Variants in GNAT2 observed in about 807,000 individuals in gnomAD.
The protein encoded by GNAT2 is G protein subunit alpha transducin 2, also known as guanine nucleotide-binding protein G(t) subunit alpha-2.
GNAT2 carries 32 observed loss-of-function variants against 40.9 expected under a neutral mutation model. The ratio of observed to expected loss-of-function variants is 0.78; its 90% confidence interval spans 0.59 to 1.05. GNAT2 has a LOEUF of 1.05. GNAT2 is among the 50% of genes least tolerant of loss of function. The pLI is 0.00. For missense variants in GNAT2, 355 were observed against 431.5 expected (o/e 0.82, Z 1.57); for synonymous variants, 141 against 157.2 (o/e 0.90, Z 0.77).
intron 1 of GNAT2, among the ~76,000 whole-genome samples, 136 bp downstream of exon 1, chr1:109,619,346 TA>T (rs1210585715): frequency 2.6e-5 from 4 of 152,234 alleles, no homozygotes; most frequent in Non-Finnish European, 4.4e-5. Flanking sequence ...AGAAGTTAGG[TA>T]ACTTGCCCAG....
At chr1:109,603,898 T>A in intron 8 of GNAT2, 53 bp downstream of exon 8, 1 of 1,312,028 alleles carries the variant, frequency 7.6e-7, no homozygotes. Context: ...AATGAGACAA[T>A]TGCCAGTCTC....
chr1:109,617,249 G>A (rs1232948410), intron 1 of GNAT2: 1 of 152,238 alleles, frequency 6.6e-6, no homozygotes, highest in African/African-American at 2.4e-5. Context: ...CCTAGCTAGG[G>A]AGGCGGACAT....
At position 109,603,161 on chromosome 1, in the gene GNAT2, C is replaced by G; in HGVS notation, c.*193G>C. The G allele has an allele frequency of 1.9e-6, 1 of 517,654 alleles. No individual in the cohort carries two copies. Among genetic ancestry groups the G allele is most frequent in the Non-Finnish European group, 3.4e-6 (1 of 292,530 alleles). The allele number at this position is 517,654 out of a possible 1,614,324, so 32.1% of individuals were successfully genotyped here. A position where few individuals can be genotyped will look rare whatever the true frequency, so the allele number is the denominator to read the frequency against. Reference sequence around the variant, plus strand: ...ACCTGGGGGGTCTTCTAACTACTGGCCTGTGCTCTTTAAGCTGCAATAGCT... The same window carrying G: ...ACCTGGGGGGTCTTCTAACTACTGGGCTGTGCTCTTTAAGCTGCAATAGCT... On this transcript the variant is annotated 3_prime_UTR_variant, in exon 9 of 9. Transcript: ENST00000679935.
intron 1 of GNAT2, among the ~76,000 whole-genome samples, chr1:109,618,921 G>A (rs1470709050): frequency 6.6e-6 from 1 of 152,214 alleles, no homozygotes; most frequent in Non-Finnish European, 1.5e-5. Flanking sequence ...TGCTGTGGGA[G>A]TGGTAAGAAC....
intron 2 of GNAT2, 98 bp from the exon 3 acceptor site, chr1:109,610,605 G>A (rs973124522): frequency 2.1e-6 from 2 of 969,652 alleles, no homozygotes; most frequent in Admixed American, 3.6e-5. Flanking sequence ...TTGCTTGGGG[G>A]TCTTGTTAGG....
intron 2 of GNAT2, 147 bp downstream of exon 2, chr1:109,612,606 C>G (rs1273907396): frequency 2.8e-6 from 2 of 708,408 alleles, no homozygotes; most frequent in Non-Finnish European, 5.2e-6. Flanking sequence ...AGCTCTAGAT[C>G]TCCTGATCCC....
Position 109,612,582 on chromosome 1 carries a change from C to A in GNAT2, c.118+171G>T, listed in dbSNP as rs1649830087. 5.9e-6 allele frequency: 4 copies of A among 673,704 alleles called. No individual in the cohort carries two copies. The South Asian group carries it at 6.1e-5, about 10-fold the overall frequency. The allele number at this position is 673,704 out of a possible 1,614,324, so 41.7% of individuals were successfully genotyped here. On this transcript the variant is annotated intron_variant, in intron 2 of 8. Transcript: ENST00000679935. ...GATCCCCTTGGGGTGGCTGTTTAGG[C>A]CCCATATTAACTCAGCTCTAGATCT...
Position 109,606,843 on chromosome 1 carries a change from G to A in GNAT2, c.462-407C>T, listed in dbSNP as rs1649613032. The A allele has an allele frequency of 1.9e-5, 4 of 215,578 alleles. No individual in the cohort carries two copies. The South Asian group carries it at 2.8e-4, about 15-fold the overall frequency. 13.4% of individuals were successfully genotyped at this position (215,578 alleles called of 1,614,324 possible). A position where few individuals can be genotyped will look rare whatever the true frequency, so the allele number is the denominator to read the frequency against. On this transcript the variant is annotated intron_variant, in intron 5 of 8. Transcript: ENST00000679935. The stretch of plus-strand genomic sequence containing the variant: ...TTGTTTATATCCTGAATCAAACTGG[G>A]GAGGAAACATTTGAGATAACTGGGG...
At chr1:109,613,189 A>G (rs1649854381) in intron 1 of GNAT2, 1 of 367,898 alleles carries the variant, frequency 2.7e-6, no homozygotes, top group Admixed American at 3.7e-5. Flanking sequence ...TGTTTCTATA[A>G]CTAGGGAAAT....
chr1:109,611,139 T>A (rs891853563), intron 2 of GNAT2: 1 of 158,126 alleles, frequency 6.3e-6, no homozygotes. Flanking sequence ...GTCTCCTGAG[T>A]AGTTGGGATT....
At position 109,603,264 on chromosome 1, in the gene GNAT2, A is replaced by G. The variant is rs1649487200; in HGVS notation, c.*90T>C. The G allele has an allele frequency of 2.7e-6, 2 of 746,800 alleles. No homozygotes were observed. The highest frequency in any genetic ancestry group is 2.6e-5 in the East Asian group (1 of 38,312). 46.3% of individuals were successfully genotyped at this position (746,800 alleles called of 1,614,324 possible). ...TCTCCAAAGAATGGATTCATTCTTC[A>G]TGTCATGGTATATTGACTATAATTT... On this transcript the variant is annotated 3_prime_UTR_variant, in exon 9 of 9. Transcript: ENST00000679935.
rs747669348 is a variant in GNAT2 at position 109,606,400 on chromosome 1, C to A, written c.498G>T (p.Glu166Asp). 8.1e-6 allele frequency: 13 copies of A among 1,612,404 alleles called. No individual in the cohort carries two copies. Among genetic ancestry groups the A allele is most frequent in the Middle Eastern group, 1.7e-4 (1 of 6,056 alleles). ...LNQLERITDP[E>D]YLPSEQDVLR... The stretch of plus-strand genomic sequence containing the variant: ...GCACATCTTGCTCACTAGGGAGGTA[C>A]TCAGGGTCTGTAATTCGTTCTAATT... Residue 166 changes from glutamate (E) to aspartate (D), a missense_variant, in exon 6 of 9, where the codon GAG becomes GAT. Transcript: ENST00000679935.
At chr1:109,604,204 G>T in intron 7 of GNAT2, 100 bp from the exon 8 acceptor site, 1 of 919,434 alleles carries the variant, frequency 1.1e-6, no homozygotes, top group Non-Finnish European at 1.8e-6. Context: ...TGCTCCAAAT[G>T]TAAAAAGCAA....
chr1:109,610,940 T>A (rs1649773745), intron 2 of GNAT2: 1 of 262,050 alleles, frequency 3.8e-6, no homozygotes, highest in Middle Eastern at 1.5e-3. Flanking sequence ...CTCAGGAGAG[T>A]GATCTTGGGG....
chr1:109,608,321 A>G (rs1570563943), intron 5 of GNAT2: 3 of 425,684 alleles, frequency 7.0e-6, no homozygotes, highest in Non-Finnish European at 1.3e-5. Flanking sequence ...GTACACCTCA[A>G]TTAAGAGAAC....
chr1:109,609,005 T>A, intron 4 of GNAT2: 1 of 592,938 alleles, frequency 1.7e-6, no homozygotes, highest in South Asian at 1.9e-5. Flanking sequence ...CTGGGGTGTG[T>A]CTAAAGCGGG....
rs771880106 is a variant in GNAT2, at chr1:109,604,010, T to C, written c.815A>G (p.Asp272Gly). Residue 272 changes from aspartate to glycine, a missense_variant, in exon 8 of 9, where the codon GAC becomes GGC. Transcript: ENST00000679935. ...TSIVLFLNKK[D>G]LFEEKIKKVH... The stretch of plus-strand genomic sequence containing the variant: ...TTTCTTGATTTTTTCCTCAAAGAGG[T>C]CCTTCTTGTTGAGAAAGAGGACAAT... 6.2e-7 allele frequency: 1 copy of C among 1,609,238 alleles called. No homozygotes were observed. Among genetic ancestry groups the C allele is most frequent in the Non-Finnish European group, 8.5e-7 (1 of 1,176,032 alleles).
rs998557563 is a variant in GNAT2 at position 109,606,317 on chromosome 1, A to T, written c.581T>A (p.Leu194Ter). ...GGAACCATGCACTTACCTGAAATTCAAGTCTTTGACGGAAAACTTGGTTTC... is the reference window on the plus strand; with the variant it reads ...GGAACCATGCACTTACCTGAAATTCTAGTCTTTGACGGAAAACTTGGTTTC... Reference protein sequence around the residue: ...IIETKFSVKDLNFRMFDVGGQ... With the variant: ...IIETKFSVKD The change falls in exon 6 of 9, where the codon TTG (leucine) becomes TAG (stop). Residue 194 changes from leucine to a stop codon, truncating the protein, a stop_gained. Coordinates refer to ENST00000679935, the MANE Select transcript of GNAT2 (RefSeq NM_001377295.2). LOFTEE classifies it high-confidence loss of function. The T allele has an allele frequency of 6.2e-7, 1 of 1,613,920 alleles. No individual in the cohort carries two copies. The highest frequency in any genetic ancestry group is 2.2e-5 in the East Asian group (1 of 44,880).
Position 109,604,018 on chromosome 1 carries a change from G to T in GNAT2, c.807C>A (p.Asn269Lys), listed in dbSNP as rs781647200. ...TTTTTTCCTCAAAGAGGTCCTTCTTGTTGAGAAAGAGGACAATGGAAGTAG... is the reference window on the plus strand; with the variant it reads ...TTTTTTCCTCAAAGAGGTCCTTCTTTTTGAGAAAGAGGACAATGGAAGTAG... Reference protein sequence around the residue: ...FAATSIVLFLNKKDLFEEKIK... With the variant: ...FAATSIVLFLKKKDLFEEKIK... Residue 269 changes from asparagine to lysine, a missense_variant, in exon 8 of 9, where the codon AAC (asparagine) becomes AAA (lysine). Physicochemically the swap from Asn to Lys is moderately conservative, Grantham distance 94. Coordinates refer to ENST00000679935, the MANE Select transcript of GNAT2 (RefSeq NM_001377295.2). 9 of 1,607,782 alleles carry T rather than the reference G, an allele frequency of 5.6e-6. No individual in the cohort carries two copies. The highest frequency in any genetic ancestry group is 7.7e-6 in the Non-Finnish European group (9 of 1,174,240).
Sources: allele counts gnomAD v4.1 joint callset (sites outside exome capture counted in the v4.1 genomes callset), GRCh38; gene constraint gnomAD v4.1.1; transcripts MANE v1.5; gene names NCBI Gene and HGNC (gene_info 2026-07-23, HGNC 2026-07-21).